The following SLC38A12 variants were observed in gnomAD, a reference collection of about 807,000 sequenced individuals.
The protein encoded by SLC38A12 is putative sodium-coupled neutral amino acid transporter 12.
the SLC38A12 span, among the ~76,000 whole-genome samples, chr17:74,824,049 C>T: frequency 6.6e-6 from 1 of 152,212 alleles, no homozygotes; most frequent in Non-Finnish European, 1.5e-5. Context: ...AGATGAGCCT[C>T]TCTGGGGGCT....
chr17:74,791,106 T>C, the SLC38A12 span: 2 of 1,367,252 alleles, frequency 1.5e-6, no homozygotes, highest in Non-Finnish European at 2.1e-6. Context: ...CCTGCACCCT[T>C]GTAATGAGGG....
chr17:74,780,911 A>G, the SLC38A12 span, among the ~76,000 whole-genome samples: 1 of 152,166 alleles, frequency 6.6e-6, no homozygotes, highest in Non-Finnish European at 1.5e-5. Flanking sequence ...AAAGGTTCCT[A>G]AGTTTCTTTT....
chr17:74,783,125 G>A, the SLC38A12 span, among the ~76,000 whole-genome samples: 3 of 152,114 alleles, frequency 2.0e-5, no homozygotes, highest in Admixed American at 6.5e-5. Flanking sequence ...GCGAGACTCC[G>A]TCTCAAAAAA....
chr17:74,803,641 C>T, the SLC38A12 span, among the ~76,000 whole-genome samples: 39 of 152,276 alleles, frequency 2.6e-4, no homozygotes, highest in South Asian at 7.9e-3. Flanking sequence ...GGATAAAAAC[C>T]CGGTGTGCCT....
chr17:74,821,776 C>T, the SLC38A12 span, among the ~76,000 whole-genome samples: 1 of 152,220 alleles, frequency 6.6e-6, no homozygotes, highest in Non-Finnish European at 1.5e-5. Flanking sequence ...CTGTGGCTCC[C>T]TGCAGCCACA....
chr17:74,790,901 T>C, the SLC38A12 span: 1 of 1,561,990 alleles, frequency 6.4e-7, no homozygotes, highest in South Asian at 1.1e-5. Context: ...CACCACCCTC[T>C]GAAGCTCTCC....
At chr17:74,785,351 C>A in the SLC38A12 span, 1 of 1,333,162 alleles carries the variant, frequency 7.5e-7, no homozygotes, top group Non-Finnish European at 1.0e-6. Context: ...TCCTGTCCTG[C>A]CTCCTTCCCT....
At chr17:74,788,078 G>GCCA in the SLC38A12 span, among the ~76,000 whole-genome samples, 2 of 152,092 alleles carry the variant, frequency 1.3e-5, no homozygotes, top group African/African-American at 2.4e-5. Context: ...ACAGGCATGA[G>GCCA]CCACCGCCCC....
the SLC38A12 span, among the ~76,000 whole-genome samples, chr17:74,801,119 C>T: frequency 6.6e-6 from 1 of 152,184 alleles, no homozygotes; most frequent in African/African-American, 2.4e-5. Flanking sequence ...TATAGGATGG[C>T]GACCATGTAG....
the SLC38A12 span, among the ~76,000 whole-genome samples, chr17:74,809,969 C>G: frequency 4.6e-5 from 7 of 152,174 alleles, no homozygotes; most frequent in Non-Finnish European, 1.0e-4. Flanking sequence ...TCCTCCCGAC[C>G]AGCCCCTGGT....
chr17:74,795,296 C>G, the SLC38A12 span, among the ~76,000 whole-genome samples: 1 of 152,240 alleles, frequency 6.6e-6, no homozygotes, highest in Non-Finnish European at 1.5e-5. Flanking sequence ...GCTCATGTCA[C>G]TGTCCCCTTC....
chr17:74,799,237 T>C, the SLC38A12 span, among the ~76,000 whole-genome samples: 2 of 152,262 alleles, frequency 1.3e-5, no homozygotes, highest in African/African-American at 4.8e-5. Context: ...GCAAGCGGCA[T>C]CTACCGCTCA....
the SLC38A12 span, among the ~76,000 whole-genome samples, chr17:74,799,522 C>T: frequency 6.6e-6 from 1 of 152,170 alleles, no homozygotes; most frequent in African/African-American, 2.4e-5. Context: ...CAGTGCCCTG[C>T]CACCCCTTGT....
the SLC38A12 span, among the ~76,000 whole-genome samples, chr17:74,803,083 G>A: frequency 5.3e-5 from 8 of 152,196 alleles, no homozygotes; most frequent in Non-Finnish European, 1.2e-4. Flanking sequence ...TAAATTGGGA[G>A]GGTAGTTACT....
chr17:74,833,701 G>C, the SLC38A12 span, among the ~76,000 whole-genome samples: 1 of 152,200 alleles, frequency 6.6e-6, no homozygotes. Flanking sequence ...AGGGCCCAGG[G>C]CCGAGTGACA....
chr17:74,795,263 G>T, the SLC38A12 span: 1 of 711,952 alleles, frequency 1.4e-6, no homozygotes. Flanking sequence ...ACAGACCACA[G>T]CCAGCCATGC....
At chr17:74,790,809 G>A in the SLC38A12 span, 8 of 546,242 alleles carry the variant, frequency 1.5e-5, no homozygotes, top group African/African-American at 1.4e-4. Context: ...GTTAAACCAT[G>A]TCAAGCAGGA....
At chr17:74,814,814 T>C in the SLC38A12 span, among the ~76,000 whole-genome samples, 2 of 152,170 alleles carry the variant, frequency 1.3e-5, no homozygotes, top group Admixed American at 1.3e-4. Flanking sequence ...CAAACAAGGA[T>C]GCAGTCCTTG....
At chr17:74,788,686 G>C in the SLC38A12 span, 1 of 912,286 alleles carries the variant, frequency 1.1e-6, no homozygotes, top group Non-Finnish European at 1.7e-6. Context: ...AAAGAGAATG[G>C]TCTGGGCTGG....
Sources: gnomAD v4.1 joint callset for allele counts (sites outside exome capture counted in the v4.1 genomes callset) on GRCh38, gnomAD v4.1.1 for gene constraint, MANE v1.5 for transcripts, NCBI Gene and HGNC (gene_info 2026-07-23, HGNC 2026-07-21) for gene names.